Variants in LDB3 observed in about 807,000 individuals in gnomAD.
LDB3 encodes LIM domain binding 3, also known as LIM domain-binding protein 3.
A neutral mutation model predicts 69.0 loss-of-function variants in LDB3; 49 were observed. The observed-to-expected ratio is 0.71, with a 90% confidence interval of 0.56 to 0.90. The LOEUF is 0.90. LDB3 is among the 40% of genes least tolerant of loss of function. LDB3 has a pLI of 0.00. For synonymous variants in LDB3, 387 were observed against 396.2 expected (o/e 0.98, Z 0.28); for missense variants, 928 against 974.1 (o/e 0.95, Z 0.63).
At chr10:86,696,925 T>C (rs1182172090) in intron 7 of LDB3, among the ~76,000 whole-genome samples, 1 of 152,224 alleles carries the variant, frequency 6.6e-6, no homozygotes, top group Non-Finnish European at 1.5e-5. Context: ...CCTCTTAGTA[T>C]AAGGAAAGTT....
intron 9 of LDB3, among the ~76,000 whole-genome samples, chr10:86,711,327 C>T (rs1846654471): frequency 6.6e-6 from 1 of 152,076 alleles, no homozygotes; most frequent in Non-Finnish European, 1.5e-5. Flanking sequence ...CTCCTCCTTC[C>T]CGGGCTGGGG....
chr10:86,679,948 G>C (rs1845019477), intron 3 of LDB3, 134 bp from the exon 4 acceptor site: 1 of 790,442 alleles, frequency 1.3e-6, no homozygotes, highest in East Asian at 2.6e-5. Context: ...AGTGGATCTG[G>C]GGCCCTCTGA....
chr10:86,676,138 T>C (rs1343113960), intron 2 of LDB3, among the ~76,000 whole-genome samples: 1 of 152,256 alleles, frequency 6.6e-6, no homozygotes. Context: ...GAGGGCAAGC[T>C]GGACTTTGCA....
chr10:86,693,215 C>T (rs1176285669), intron 7 of LDB3, among the ~76,000 whole-genome samples: 1 of 151,634 alleles, frequency 6.6e-6, no homozygotes, highest in Non-Finnish European at 1.5e-5. Flanking sequence ...GTCAGGTGCT[C>T]ATAGCATGAG....
intron 5 of LDB3, 61 bp downstream of exon 5, chr10:86,681,864 G>C: frequency 6.7e-7 from 1 of 1,497,278 alleles, no homozygotes; most frequent in Admixed American, 2.2e-5. Flanking sequence ...CTCGGTGCTC[G>C]GCAGAGACCT....
At chr10:86,714,626 G>A (rs952595073) in intron 9 of LDB3, among the ~76,000 whole-genome samples, 1 of 150,876 alleles carries the variant, frequency 6.6e-6, no homozygotes, top group South Asian at 2.1e-4. Flanking sequence ...TACGATCTCG[G>A]GTCACTGCAA....
chr10:86,689,544 A>G (rs919594683), intron 5 of LDB3, among the ~76,000 whole-genome samples: 17 of 152,208 alleles, frequency 1.1e-4, no homozygotes, highest in Non-Finnish European at 2.5e-4. Context: ...CTGGGGGTGC[A>G]TACCTGTGTT....
intron 2 of LDB3, among the ~76,000 whole-genome samples, chr10:86,677,851 T>A (rs552077912): frequency 5.9e-5 from 9 of 152,326 alleles, no homozygotes; most frequent in African/African-American, 9.6e-5. Context: ...ACAAAGCACC[T>A]GGCACTAAGA....
intron 7 of LDB3, among the ~76,000 whole-genome samples, chr10:86,694,762 C>A (rs1033554894): frequency 6.6e-6 from 1 of 152,196 alleles, no homozygotes; most frequent in African/African-American, 2.4e-5. Context: ...CTGGTCATGA[C>A]TGGGGCCCCA....
chr10:86,689,334 TG>T (rs1454194716), intron 5 of LDB3, among the ~76,000 whole-genome samples: 1 of 152,048 alleles, frequency 6.6e-6, no homozygotes, highest in Non-Finnish European at 1.5e-5. Context: ...GGATGGTGTG[TG>T]TGGGTTTGGT....
At chr10:86,723,930 G>C (rs1847168475) in intron 12 of LDB3, among the ~76,000 whole-genome samples, 1 of 152,208 alleles carries the variant, frequency 6.6e-6, no homozygotes, top group Non-Finnish European at 1.5e-5. Flanking sequence ...CATAGAAGGA[G>C]GATGAACATT....
At chr10:86,680,939 C>T (rs1471277784) in intron 4 of LDB3, among the ~76,000 whole-genome samples, 2 of 152,200 alleles carry the variant, frequency 1.3e-5, no homozygotes, top group East Asian at 3.8e-4. Context: ...TTGGGAGATG[C>T]TTGCAGAGGT....
In LDB3 at chr10:86,706,669, C is replaced by G. The variant is rs121908336; in HGVS notation, c.1035C>G (p.Ile345Met). The change falls in exon 8 of 14, where the codon ATC becomes ATG. Residue 345 changes from isoleucine to methionine, a missense_variant. Transcript: ENST00000361373. ...CCACAGCTGCTGCCCACACTGCCAT[C>G]GCCTCCGCCTCCACCACAGCCCCTG... ...PLATAAAHTA[I>M]ASASTTAPAS... The G allele has an allele frequency of 6.2e-7, 1 of 1,612,908 alleles. No individual in the cohort carries two copies. The highest frequency in any genetic ancestry group is 8.5e-7 in the Non-Finnish European group (1 of 1,179,806).
chr10:86,722,478 T>C (rs1216673925), intron 12 of LDB3, among the ~76,000 whole-genome samples: 1 of 151,530 alleles, frequency 6.6e-6, no homozygotes, highest in Non-Finnish European at 1.5e-5. Context: ...GCCAGGATGG[T>C]CTCGATCTCC....
At chr10:86,712,758 C>T (rs1313932286) in intron 9 of LDB3, among the ~76,000 whole-genome samples, 1 of 152,134 alleles carries the variant, frequency 6.6e-6, no homozygotes, top group Non-Finnish European at 1.5e-5. Context: ...TTTTCTTTGA[C>T]TACATATATT....
Position 86,692,073 on chromosome 10 carries a change from C to T in LDB3, c.859+8C>T, listed in dbSNP as rs757130327. The T allele has an allele frequency of 1.9e-6, 3 of 1,613,766 alleles. No homozygotes were observed. Among genetic ancestry groups the T allele is most frequent in the Non-Finnish European group, 2.5e-6 (3 of 1,180,020 alleles). On this transcript the variant is annotated splice_region_variant and intron_variant, in intron 6 of 13. Transcript: ENST00000361373. ...TGACGGGGACAGAATTCAGTGAGTG[C>T]AGGCTCTCAGGGTGGCTGCAGAGGA...
chr10:86,717,603 T>C (rs1846924316), intron 10 of LDB3, among the ~76,000 whole-genome samples: 1 of 152,236 alleles, frequency 6.6e-6, no homozygotes, highest in African/African-American at 2.4e-5. Context: ...AGTTAATAAA[T>C]GCAAAAGTCT....
intron 13 of LDB3, among the ~76,000 whole-genome samples, chr10:86,729,658 G>T (rs886618177): frequency 6.6e-6 from 1 of 152,108 alleles, no homozygotes; most frequent in Admixed American, 6.5e-5. Context: ...TGGGCAGAAG[G>T]CCTCCTCCAC....
Position 86,734,359 on chromosome 10 carries a change from T to C in LDB3, c.*1383T>C, listed in dbSNP as rs1224560605. 6.6e-6 allele frequency: 1 copy of C among 152,196 alleles called. No individual in the cohort carries two copies. The highest frequency in any genetic ancestry group is 2.4e-5 in the African/African-American group (1 of 41,440). The allele number at this position is 152,196 out of a possible 1,614,324, so 9.4% of individuals were successfully genotyped here. ...TTGGTGATAAAGAAGGCAGCTTAGA[T>C]TCTGTGGTTGGAAACAGTGTAGTCG... is the stretch of plus-strand genomic sequence containing the variant. On this transcript the variant is annotated 3_prime_UTR_variant, in exon 14 of 14. Transcript: ENST00000361373.
Sources: gnomAD v4.1 joint callset for allele counts (sites outside exome capture counted in the v4.1 genomes callset) on GRCh38, gnomAD v4.1.1 for gene constraint, MANE v1.5 for transcripts, NCBI Gene and HGNC (gene_info 2026-07-23, HGNC 2026-07-21) for gene names.